Variants in NR3C2 observed in about 807,000 individuals in gnomAD.
NR3C2 encodes nuclear receptor subfamily 3 group C member 2.
NR3C2 carries 15 observed loss-of-function variants against 86.4 expected under a neutral mutation model. The observed-to-expected ratio is 0.17, with a 90% CI of 0.12 to 0.27. The LOEUF (loss-of-function observed/expected upper bound fraction) is 0.27. Among genes scored for constraint, NR3C2 ranks in the 10% least tolerant of loss-of-function variants. The probability of loss-of-function intolerance (pLI) is 1.00; values close to 1 mark genes in which losing one functional copy is unlikely to be tolerated. For synonymous variants in NR3C2, 458 were observed against 450.5 expected (o/e 1.02, Z -0.21); for missense variants, 960 against 1,195.6 (o/e 0.80, Z 2.91).
intron 2 of NR3C2, among the ~76,000 whole-genome samples, chr4:148,359,284 A>G (rs750162997): frequency 1.2e-4 from 18 of 152,132 alleles, no homozygotes; most frequent in Non-Finnish European, 2.5e-4. Context: ...GGGGGGAAAA[A>G]AAAGAAAGCT....
chr4:148,194,518 C>T (rs529154820), intron 4 of NR3C2, among the ~76,000 whole-genome samples: 1 of 152,268 alleles, frequency 6.6e-6, no homozygotes, highest in South Asian at 2.1e-4. Context: ...TTAGCAAACT[C>T]AGGCTCGAAA....
intron 8 of NR3C2, among the ~76,000 whole-genome samples, chr4:148,097,623 A>G (rs1458274454): frequency 1.3e-5 from 2 of 152,214 alleles, no homozygotes; most frequent in Non-Finnish European, 2.9e-5. Context: ...AGGATCGCTT[A>G]AGACAAGCCT....
At chr4:148,155,290 G>C (rs1349409625) in intron 4 of NR3C2, among the ~76,000 whole-genome samples, 1 of 152,210 alleles carries the variant, frequency 6.6e-6, no homozygotes, top group Non-Finnish European at 1.5e-5. Flanking sequence ...AGATCGGTAA[G>C]GGTATTCAAT....
intron 6 of NR3C2, among the ~76,000 whole-genome samples, chr4:148,150,005 T>C (rs1343385433): frequency 6.6e-6 from 1 of 151,918 alleles, no homozygotes; most frequent in African/African-American, 2.4e-5. Flanking sequence ...CTTAAAAAGT[T>C]AAACACAGAG....
intron 2 of NR3C2, among the ~76,000 whole-genome samples, chr4:148,325,778 T>C (rs1451233475): frequency 6.6e-6 from 1 of 152,208 alleles, no homozygotes; most frequent in East Asian, 1.9e-4. Context: ...CCCTTACCTA[T>C]GTAATCAAAT....
chr4:148,154,515 T>A (rs1459874488), intron 5 of NR3C2, 36 bp downstream of exon 5: 1 of 1,600,882 alleles, frequency 6.2e-7, no homozygotes. Context: ...CTTGTTAAGT[T>A]CAGGATGCAG....
intron 3 of NR3C2, among the ~76,000 whole-genome samples, chr4:148,240,808 T>C (rs1738990360): frequency 6.6e-6 from 1 of 152,228 alleles, no homozygotes; most frequent in African/African-American, 2.4e-5. Context: ...GCTGTGAGAT[T>C]GCAGGAAGCA....
At chr4:148,249,664 A>C (rs1483350717) in intron 3 of NR3C2, among the ~76,000 whole-genome samples, 2 of 152,248 alleles carry the variant, frequency 1.3e-5, no homozygotes, top group Non-Finnish European at 2.9e-5. Flanking sequence ...AATGTCTTAT[A>C]CCTGTAAGGA....
chr4:148,303,920 C>T (rs1185375576), intron 2 of NR3C2, among the ~76,000 whole-genome samples: 6 of 152,294 alleles, frequency 3.9e-5, no homozygotes, highest in East Asian at 3.9e-4. Flanking sequence ...GGGTTAAAGG[C>T]GCGTTGACCC....
At chr4:148,107,423 T>A (rs987316194) in intron 8 of NR3C2, among the ~76,000 whole-genome samples, 5 of 152,242 alleles carry the variant, frequency 3.3e-5, no homozygotes, top group Admixed American at 3.3e-4. Context: ...TCAACCATTG[T>A]GGAAGACAGT....
intron 2 of NR3C2, among the ~76,000 whole-genome samples, chr4:148,266,227 C>T (rs1740389536): frequency 6.6e-6 from 1 of 152,102 alleles, no homozygotes; most frequent in Admixed American, 6.5e-5. Flanking sequence ...TGTGCGCCAC[C>T]ACGCCCAGCT....
intron 4 of NR3C2, among the ~76,000 whole-genome samples, chr4:148,182,960 A>C (rs1343240856): frequency 6.6e-6 from 1 of 151,940 alleles, no homozygotes; most frequent in African/African-American, 2.4e-5. Flanking sequence ...CTAATGCTAT[A>C]CCTCCCCCTC....
intron 2 of NR3C2, among the ~76,000 whole-genome samples, chr4:148,292,828 G>A (rs1007218918): frequency 3.3e-5 from 5 of 152,056 alleles, no homozygotes; most frequent in Non-Finnish European, 7.4e-5. Flanking sequence ...TGATATGAGA[G>A]GTTAAAGTCT....
intron 2 of NR3C2, among the ~76,000 whole-genome samples, chr4:148,420,279 G>A (rs997171997): frequency 2.6e-5 from 4 of 152,132 alleles, no homozygotes; most frequent in South Asian, 2.1e-4. Context: ...GACACCATTC[G>A]AAACCTAGGA....
At chr4:148,378,949 G>T (rs754762776) in intron 2 of NR3C2, among the ~76,000 whole-genome samples, 2 of 152,050 alleles carry the variant, frequency 1.3e-5, no homozygotes, top group Non-Finnish European at 2.9e-5. Flanking sequence ...TCAAATAATA[G>T]AATATTATAT....
At chr4:148,093,397 G>A (rs7661835) in intron 8 of NR3C2, among the ~76,000 whole-genome samples, 46,755 of 152,144 alleles carry the variant, frequency 0.31, 10,725 homozygotes, top group African/African-American at 0.65. Flanking sequence ...AGGTTACACA[G>A]TCACTTAAGT....
At chr4:148,279,131 C>T (rs1185697578) in intron 2 of NR3C2, among the ~76,000 whole-genome samples, 2 of 152,136 alleles carry the variant, frequency 1.3e-5, no homozygotes, top group African/African-American at 4.8e-5. Flanking sequence ...CCATTGCACT[C>T]CAGCCCAGGT....
chr4:148,236,784 G>A (rs754428674), intron 3 of NR3C2, among the ~76,000 whole-genome samples: 8 of 152,130 alleles, frequency 5.3e-5, no homozygotes, highest in Admixed American at 6.6e-5. Context: ...TAAAAATTAC[G>A]CCAGGACACA....
At chr4:148,289,718 C>A (rs1232135820) in intron 2 of NR3C2, among the ~76,000 whole-genome samples, 1 of 152,170 alleles carries the variant, frequency 6.6e-6, no homozygotes, top group East Asian at 1.9e-4. Context: ...AAGTTACCAG[C>A]TGTCACTTTG....
Sources: gnomAD v4.1 joint callset for allele counts (sites outside exome capture counted in the v4.1 genomes callset) on GRCh38, gnomAD v4.1.1 for gene constraint, MANE v1.5 for transcripts, NCBI Gene and HGNC (gene_info 2026-07-23, HGNC 2026-07-21) for gene names.